Variants in HTR1F observed in about 807,000 individuals in gnomAD.
HTR1F encodes the protein 5-hydroxytryptamine (serotonin) receptor 1F, G protein-coupled.
HTR1F carries 17 observed loss-of-function variants against 24.0 expected under a neutral mutation model. That is an observed-to-expected ratio of 0.71 (90% CI 0.48 to 1.06). The LOEUF (loss-of-function observed/expected upper bound fraction) is 1.06, where lower values mean the gene tolerates loss of function less well. Ranked by LOEUF, HTR1F falls within the 50% of genes least tolerant of loss-of-function variation. The probability of loss-of-function intolerance (pLI) is 0.00; values close to 1 mark genes in which losing one functional copy is unlikely to be tolerated. For synonymous variants in HTR1F, 186 were observed against 156.8 expected, an observed-to-expected ratio of 1.19 and a Z score of -1.39; for missense variants, 391 against 427.8, an observed-to-expected ratio of 0.91 and a Z score of 0.76.
intron 2 of HTR1F, among the ~76,000 whole-genome samples, chr3:87,909,124 G>C (rs1300451143): frequency 6.6e-6 from 1 of 151,956 alleles, no homozygotes; most frequent in Non-Finnish European, 1.5e-5. Context: ...GAATATGAGA[G>C]TCACCAGTGG....
At chr3:87,956,567 T>C (rs1559648175) in intron 2 of HTR1F, among the ~76,000 whole-genome samples, 1 of 151,388 alleles carries the variant, frequency 6.6e-6, no homozygotes. Context: ...ATGTGGAATC[T>C]ATAGATAAAT....
intron 2 of HTR1F, among the ~76,000 whole-genome samples, chr3:87,974,515 T>C (rs1705351732): frequency 6.6e-6 from 1 of 151,648 alleles, no homozygotes; most frequent in Non-Finnish European, 1.5e-5. Flanking sequence ...TGGCTGCTTG[T>C]ATCTCTACTA....
At chr3:87,934,827 A>G (rs1283691480) in intron 2 of HTR1F, among the ~76,000 whole-genome samples, 2 of 152,152 alleles carry the variant, frequency 1.3e-5, no homozygotes, top group Non-Finnish European at 2.9e-5. Flanking sequence ...TTGCATTAAA[A>G]ATTCAGAATG....
intron 2 of HTR1F, among the ~76,000 whole-genome samples, chr3:87,968,369 C>T (rs1338973081): frequency 2.6e-5 from 4 of 152,080 alleles, no homozygotes; most frequent in South Asian, 2.1e-4. Flanking sequence ...CCTGACATCA[C>T]GCCCAGCTAA....
chr3:87,815,236 G>T (rs1252626513), intron 1 of HTR1F, among the ~76,000 whole-genome samples: 5 of 152,062 alleles, frequency 3.3e-5, no homozygotes, highest in South Asian at 2.1e-4. Flanking sequence ...AATAGTGTCT[G>T]CAGTGTTTTA....
intron 2 of HTR1F, among the ~76,000 whole-genome samples, chr3:87,960,108 C>T (rs1705030052): frequency 6.6e-6 from 1 of 151,688 alleles, no homozygotes. Flanking sequence ...AAAATCCCAA[C>T]GCCTCTGCCA....
chr3:87,989,351 CTAG>C (rs1705765547), intron 2 of HTR1F, among the ~76,000 whole-genome samples: 2 of 152,164 alleles, frequency 1.3e-5, no homozygotes, highest in African/African-American at 4.8e-5. Context: ...GCTGTCCTTA[CTAG>C]TAAGTTTCTT....
intron 1 of HTR1F, among the ~76,000 whole-genome samples, chr3:87,816,537 T>G (rs1469436370): frequency 6.6e-6 from 1 of 152,072 alleles, no homozygotes; most frequent in Non-Finnish European, 1.5e-5. Flanking sequence ...CCATTCTGAT[T>G]TTCTCAACTC....
Position 87,990,995 on chromosome 3 carries a change from G to C in HTR1F, c.246G>C (p.Val82=). 5.0e-6 allele frequency: 8 copies of C among 1,614,140 alleles called. No homozygotes were observed. The highest frequency in any genetic ancestry group is 6.8e-6 in the Non-Finnish European group (8 of 1,180,036). Residue 82 remains valine, a synonymous_variant, in exon 3 of 3, where the codon GTG becomes GTC. Coordinates refer to ENST00000319595, the MANE Select transcript of HTR1F (RefSeq NM_001322209.2). The stretch of plus-strand genomic sequence containing the variant: ...TCCTGGTGATGCCCTTCAGCATTGT[G>C]TATATTGTGAGAGAGAGCTGGATTA... ...VAVLVMPFSI[V]YIVRESWIMG... is the part of the protein sequence containing the mutation.
intron 2 of HTR1F, among the ~76,000 whole-genome samples, chr3:87,843,739 C>G (rs2107184648): frequency 6.9e-6 from 1 of 145,662 alleles, no homozygotes; most frequent in East Asian, 2.1e-4. Flanking sequence ...CATGTGATCT[C>G]ATTGTTCAGT....
intron 2 of HTR1F, among the ~76,000 whole-genome samples, chr3:87,932,662 G>A (rs2107412337): frequency 6.6e-6 from 1 of 152,112 alleles, no homozygotes; most frequent in East Asian, 1.9e-4. Flanking sequence ...GGAAGAAGTT[G>A]AATCTCTGAA....
chr3:87,922,192 A>G (rs1384340631), intron 2 of HTR1F, among the ~76,000 whole-genome samples: 6 of 151,706 alleles, frequency 4.0e-5, no homozygotes. Context: ...AGAATCTGTT[A>G]TTTTTGTTTT....
chr3:87,939,144 T>C (rs1176085210), intron 2 of HTR1F, among the ~76,000 whole-genome samples: 1 of 152,212 alleles, frequency 6.6e-6, no homozygotes, highest in Non-Finnish European at 1.5e-5. Flanking sequence ...GTAGTTTTTG[T>C]CATTGGTTCT....
At chr3:87,887,636 A>G (rs1705981357) in intron 2 of HTR1F, among the ~76,000 whole-genome samples, 1 of 152,204 alleles carries the variant, frequency 6.6e-6, no homozygotes, top group African/African-American at 2.4e-5. Flanking sequence ...CAAGAAGAAA[A>G]CAACCCAATC....
chr3:87,824,957 G>T (rs1054693891), intron 2 of HTR1F, among the ~76,000 whole-genome samples: 1 of 152,048 alleles, frequency 6.6e-6, no homozygotes, highest in Admixed American at 6.5e-5. Flanking sequence ...TTACACTGAC[G>T]AACAGATTTT....
At chr3:87,818,018 A>G (rs1456719704) in intron 1 of HTR1F, among the ~76,000 whole-genome samples, 1 of 152,202 alleles carries the variant, frequency 6.6e-6, no homozygotes, top group Non-Finnish European at 1.5e-5. Context: ...AAAAATAAAG[A>G]GTTATTGTAA....
At chr3:87,824,599 A>G (rs1438611828) in intron 2 of HTR1F, among the ~76,000 whole-genome samples, 1 of 152,190 alleles carries the variant, frequency 6.6e-6, no homozygotes, top group Non-Finnish European at 1.5e-5. Flanking sequence ...CTTGTGAATG[A>G]AAGAATGAAT....
At chr3:87,847,146 A>G (rs1380352056) in intron 2 of HTR1F, among the ~76,000 whole-genome samples, 1 of 151,888 alleles carries the variant, frequency 6.6e-6, no homozygotes, top group Non-Finnish European at 1.5e-5. Context: ...AAATCAAAGA[A>G]ATGCAAATTA....
At chr3:87,800,380 T>A (rs149139936) in intron 1 of HTR1F, among the ~76,000 whole-genome samples, 2,466 of 152,292 alleles carry the variant, frequency 0.016, 73 homozygotes, top group African/African-American at 0.056. Context: ...CTCTCAGCTC[T>A]GAATATCCTT....
Sources: gnomAD v4.1 joint callset for allele counts (sites outside exome capture counted in the v4.1 genomes callset) on GRCh38, gnomAD v4.1.1 for gene constraint, MANE v1.5 for transcripts, NCBI Gene and HGNC (gene_info 2026-07-23, HGNC 2026-07-21) for gene names.